CCDC102B: variants seen among roughly 807,000 people sequenced by gnomAD.
The protein encoded by CCDC102B is coiled-coil domain-containing protein 102B.
Under a neutral mutation model 57.4 loss-of-function variants are expected in CCDC102B, and 75 were observed. That is an observed-to-expected ratio of 1.31 (90% confidence interval 1.08 to 1.58). CCDC102B has a LOEUF of 1.58. CCDC102B is among the 40% of genes most tolerant of loss of function. CCDC102B has a pLI of 0.00. For missense variants in CCDC102B, 636 were observed against 582.6 expected (o/e 1.09, Z -0.94); for synonymous variants, 206 against 201.9 (o/e 1.02, Z -0.17).
intron 6 of CCDC102B, among the ~76,000 whole-genome samples, chr18:69,005,897 A>G (rs1022505788): frequency 4.6e-4 from 70 of 151,912 alleles, no homozygotes; most frequent in African/African-American, 1.5e-3. Context: ...AGAACTGTGA[A>G]TTGTATGTAC....
At position 68,945,627 on chromosome 18, in the gene CCDC102B, G is replaced by A. The variant is rs140761577; in HGVS notation, c.1263+48199G>A. ...TTAATAATGTTGGTTACTGAAGCAT[G>A]CTGTTACAATGTAAACTTCAAGGCA... On this transcript the variant is annotated intron_variant, in intron 6 of 7. Transcript: ENST00000360242. Among the ~76,000 whole-genome samples, 50 of 152,202 alleles carry A rather than the reference G, an allele frequency of 3.3e-4. 3 individuals are homozygous for A. In the Middle Eastern group the frequency reaches 0.024, roughly 72 times the overall value.
At chr18:68,838,073 G>T (rs1485276040) in intron 2 of CCDC102B, among the ~76,000 whole-genome samples, 1 of 152,068 alleles carries the variant, frequency 6.6e-6, no homozygotes, top group Non-Finnish European at 1.5e-5. Flanking sequence ...TTATAAACCA[G>T]GGCAAATTTA....
At chr18:68,901,634 A>G (rs1164397632) in intron 6 of CCDC102B, among the ~76,000 whole-genome samples, 1 of 152,160 alleles carries the variant, frequency 6.6e-6, no homozygotes, top group African/African-American at 2.4e-5. Context: ...CTCAACTGGA[A>G]TTGCAATTTT....
chr18:68,757,824 C>T (rs548083824), intron 2 of CCDC102B, among the ~76,000 whole-genome samples: 30 of 152,180 alleles, frequency 2.0e-4, no homozygotes, highest in African/African-American at 6.7e-4. Context: ...TATACTTTAC[C>T]TTACCTCTGT....
intron 1 of CCDC102B, among the ~76,000 whole-genome samples, chr18:68,803,458 C>T (rs1005218124): frequency 6.6e-6 from 1 of 152,144 alleles, no homozygotes; most frequent in Non-Finnish European, 1.5e-5. Flanking sequence ...CTTGAAATAA[C>T]CAGGGAATGT....
chr18:68,833,383 GTTTT>G (rs11290357), intron 1 of CCDC102B, among the ~76,000 whole-genome samples: 127 of 142,464 alleles, frequency 8.9e-4, no homozygotes, highest in East Asian at 8.8e-3. Context: ...TGCTTTTCCT[GTTTT>G]TTTTTTTTTT....
intron 1 of CCDC102B, among the ~76,000 whole-genome samples, chr18:68,824,353 G>A (rs768104217): frequency 1.3e-5 from 2 of 152,198 alleles, no homozygotes; most frequent in Non-Finnish European, 2.9e-5. Flanking sequence ...TTCACAGATC[G>A]GATGGTTGTA....
chr18:68,716,568 T>G (rs1244046978), exon 2 of CCDC102B: 1 of 152,190 alleles, frequency 6.6e-6, no homozygotes, highest in African/African-American at 2.4e-5. Flanking sequence ...ATTGGAAAGT[T>G]TTTTTAATGT....
At chr18:69,027,856 G>A (rs1353929731) in intron 7 of CCDC102B, among the ~76,000 whole-genome samples, 1 of 152,134 alleles carries the variant, frequency 6.6e-6, no homozygotes, top group African/African-American at 2.4e-5. Flanking sequence ...CCTCCTCCAT[G>A]TGAAATTCTG....
At chr18:68,922,247 T>C (rs2041307873) in intron 6 of CCDC102B, among the ~76,000 whole-genome samples, 1 of 152,166 alleles carries the variant, frequency 6.6e-6, no homozygotes, top group Admixed American at 6.5e-5. Flanking sequence ...ACTACATATC[T>C]TTCTCCTTGT....
chr18:68,779,608 C>T (rs991726968), intron 2 of CCDC102B, among the ~76,000 whole-genome samples: 8 of 151,786 alleles, frequency 5.3e-5, no homozygotes, highest in East Asian at 1.9e-4. Flanking sequence ...TGAGTTCTTA[C>T]GGAATATAAT....
intron 1 of CCDC102B, among the ~76,000 whole-genome samples, chr18:68,810,497 T>A (rs2036202229): frequency 6.6e-6 from 1 of 152,078 alleles, no homozygotes; most frequent in African/African-American, 2.4e-5. Context: ...CTATGTGCCT[T>A]AATCCAGGAA....
Position 68,837,012 on chromosome 18 carries a change from C to T in CCDC102B, c.249C>T (p.Ala83=). 6.2e-6 allele frequency: 10 copies of T among 1,614,120 alleles called. No homozygotes were observed. The highest frequency in any genetic ancestry group is 8.5e-6 in the Non-Finnish European group (10 of 1,180,022). The part of the protein sequence containing the change: ...LRLRELEEVK[A]RAAQMEKTMR... ...TGCGGGAGCTTGAAGAAGTCAAGGC[C>T]AGAGCTGCTCAGATGGAAAAGACCA... The change falls in exon 2 of 8, where the codon GCC becomes GCT. Residue 83 remains alanine (A), a synonymous_variant. Transcript: ENST00000360242.
In CCDC102B at chr18:69,054,369, T is replaced by A. The variant is rs939764409; in HGVS notation, c.*232T>A. The A allele has an allele frequency of 9.5e-6, 11 of 1,154,088 alleles. No homozygotes were observed. In the South Asian group the frequency reaches 3.8e-4, roughly 40 times the overall value. 71.5% of individuals were successfully genotyped at this position (1,154,088 alleles called of 1,614,324 possible). A position where few individuals can be genotyped will look rare whatever the true frequency, so the allele number is the denominator to read the frequency against. On this transcript the variant is annotated 3_prime_UTR_variant, in exon 8 of 8. Transcript: ENST00000360242. ...TTTAAAAACAACTTTAATTCTAAGA[T>A]GTGTAAATATTTTGAAAGTCAAAAA...
rs771527399 is a variant in CCDC102B at position 68,838,793 on chromosome 18, T to C, written c.694T>C (p.Ser232Pro). 1 of 1,614,052 alleles carries C rather than the reference T, an allele frequency of 6.2e-7. No individual in the cohort carries two copies. Among genetic ancestry groups the C allele is most frequent in the Non-Finnish European group, 8.5e-7 (1 of 1,179,970 alleles). Residue 232 changes from serine to proline, a missense_variant, in exon 3 of 8, where the codon TCT becomes CCT. Transcript: ENST00000360242. ...TGTTGATTTATTCAACAATGGTGGTTCTGGAAACGGTGAAACGAAAACTGG... is the reference window on the plus strand; with the variant it reads ...TGTTGATTTATTCAACAATGGTGGTCCTGGAAACGGTGAAACGAAAACTGG... The part of the protein sequence containing the change: ...DGVDLFNNGG[S>P]GNGETKTGLR...
chr18:69,049,268 C>T (rs188360042), intron 7 of CCDC102B, among the ~76,000 whole-genome samples: 2 of 152,182 alleles, frequency 1.3e-5, no homozygotes, highest in East Asian at 3.9e-4. Context: ...TCAACTCCAA[C>T]TTATGAGTGA....
In CCDC102B at chr18:69,023,096, T is replaced by G. The variant is rs534227276; in HGVS notation, c.1434+11992T>G. Among the ~76,000 whole-genome samples the G allele has an allele frequency of 4.6e-5, 7 of 152,266 alleles. No individual in the cohort carries two copies. The South Asian group carries it at 1.4e-3, about 32-fold the overall frequency. ...GCAAATGAAAAATACAAACTCAGTT[T>G]AGCTTTTGAAATTGTGCACAAGGTA... On this transcript the variant is annotated intron_variant, in intron 7 of 7. Coordinates refer to ENST00000360242, the MANE Select transcript of CCDC102B (RefSeq NM_024781.3).
chr18:68,733,845 C>A (rs2033007329), intron 2 of CCDC102B, among the ~76,000 whole-genome samples: 1 of 151,988 alleles, frequency 6.6e-6, no homozygotes, highest in Non-Finnish European at 1.5e-5. Context: ...CTGTAAAGAC[C>A]TTTAGGTTCC....
intron 6 of CCDC102B, among the ~76,000 whole-genome samples, chr18:68,945,091 CCTCTCT>C (rs371719403): frequency 1.3e-4 from 18 of 143,138 alleles, no homozygotes; most frequent in Non-Finnish European, 2.1e-4. Context: ...TCTCTCTCTG[CCTCTCT>C]CTCTCTCTCT....
Sources: gnomAD v4.1 joint callset for allele counts (sites outside exome capture counted in the v4.1 genomes callset) on GRCh38, gnomAD v4.1.1 for gene constraint, MANE v1.5 for transcripts, NCBI Gene and HGNC (gene_info 2026-07-23, HGNC 2026-07-21) for gene names.